The following SYNPO2 variants were observed in gnomAD, a reference collection of about 807,000 sequenced individuals.
SYNPO2 encodes synaptopodin 2, also known as synaptopodin-2.
Under a neutral mutation model 85.0 loss-of-function variants are expected in SYNPO2, and 56 were observed. The ratio of observed to expected loss-of-function variants is 0.66; its 90% CI spans 0.53 to 0.82. SYNPO2 has a LOEUF of 0.82. Ranked by LOEUF, SYNPO2 falls within the 40% of genes least tolerant of loss-of-function variation. The pLI is 0.00. For missense variants in SYNPO2, 1,575 were observed against 1,534.2 expected, an observed-to-expected ratio of 1.03 and a Z score of -0.44; for synonymous variants, 602 against 591.1, an observed-to-expected ratio of 1.02 and a Z score of -0.27.
intron 1 of SYNPO2, among the ~76,000 whole-genome samples, chr4:118,989,810 C>A (rs765350575): frequency 6.6e-6 from 1 of 152,132 alleles, no homozygotes; most frequent in Non-Finnish European, 1.5e-5. Context: ...CTTGTGTTCA[C>A]GCAGGGACAC....
intron 4 of SYNPO2, 126 bp downstream of exon 4, chr4:119,032,153 C>T (rs1330428575): frequency 1.7e-5 from 26 of 1,486,442 alleles, no homozygotes; most frequent in Non-Finnish European, 2.3e-5. Flanking sequence ...CCTCAACTTA[C>T]TTAATTTCAG....
intron 1 of SYNPO2, among the ~76,000 whole-genome samples, chr4:118,891,899 T>C (rs921178056): frequency 1.3e-5 from 2 of 152,238 alleles, no homozygotes; most frequent in Non-Finnish European, 2.9e-5. Context: ...AAAATGGGAA[T>C]GCTACAAAGC....
intron 1 of SYNPO2, among the ~76,000 whole-genome samples, chr4:119,001,102 C>T (rs1387780205): frequency 6.6e-6 from 1 of 152,208 alleles, no homozygotes; most frequent in Non-Finnish European, 1.5e-5. Flanking sequence ...TTCGTTTTCT[C>T]CTTGGCTTTG....
At chr4:118,972,433 G>T (rs1735574136) in intron 1 of SYNPO2, among the ~76,000 whole-genome samples, 1 of 151,984 alleles carries the variant, frequency 6.6e-6, no homozygotes, top group Non-Finnish European at 1.5e-5. Flanking sequence ...GACAAAGGGA[G>T]ACCCTGTCTC....
intron 1 of SYNPO2, among the ~76,000 whole-genome samples, chr4:118,906,391 G>C (rs1732938922): frequency 6.6e-6 from 1 of 152,150 alleles, no homozygotes; most frequent in African/African-American, 2.4e-5. Context: ...TGAATTCGAG[G>C]TATGAGTCTA....
chr4:119,004,333 G>A (rs1052543446), intron 1 of SYNPO2, among the ~76,000 whole-genome samples: 11 of 151,494 alleles, frequency 7.3e-5, no homozygotes, highest in African/African-American at 2.7e-4. Context: ...CCATTAACTC[G>A]TCATTTAGCA....
At chr4:118,978,547 T>C (rs979926148) in intron 1 of SYNPO2, among the ~76,000 whole-genome samples, 2 of 152,194 alleles carry the variant, frequency 1.3e-5, no homozygotes, top group Non-Finnish European at 2.9e-5. Context: ...GTAATTTATA[T>C]TACCTTGTTC....
intron 1 of SYNPO2, among the ~76,000 whole-genome samples, chr4:118,945,464 C>G (rs1734467768): frequency 6.6e-6 from 1 of 152,126 alleles, no homozygotes; most frequent in Non-Finnish European, 1.5e-5. Context: ...ACATATCTTA[C>G]CTGGGAGAAG....
intron 1 of SYNPO2, among the ~76,000 whole-genome samples, chr4:119,021,116 C>T (rs1737704267): frequency 1.3e-5 from 2 of 152,152 alleles, no homozygotes; most frequent in South Asian, 4.1e-4. Context: ...GTGGGGAAGG[C>T]TTTCTACAGA....
At chr4:119,001,086 C>A (rs1736807528) in intron 1 of SYNPO2, among the ~76,000 whole-genome samples, 1 of 152,178 alleles carries the variant, frequency 6.6e-6, no homozygotes, top group African/African-American at 2.4e-5. Context: ...ATTTTCATAC[C>A]CACTGTTCGT....
At chr4:118,932,648 T>G (rs2149133806) in intron 1 of SYNPO2, among the ~76,000 whole-genome samples, 1 of 152,244 alleles carries the variant, frequency 6.6e-6, no homozygotes, top group Middle Eastern at 3.4e-3. Context: ...CAGAAAATGG[T>G]TTTCTCTACG....
chr4:119,032,437 A>C, intron 4 of SYNPO2: 1 of 1,104,700 alleles, frequency 9.1e-7, no homozygotes, highest in Non-Finnish European at 1.1e-6. Context: ...GTTCAAATGT[A>C]GTGAAGGTAT....
chr4:118,853,075 A>G (rs1731446575), intron 1 of SYNPO2, among the ~76,000 whole-genome samples: 2 of 152,230 alleles, frequency 1.3e-5, no homozygotes, highest in South Asian at 4.1e-4. Flanking sequence ...GGCAAGAAAC[A>G]CAAGAGTTTT....
intron 1 of SYNPO2, among the ~76,000 whole-genome samples, chr4:118,892,074 T>C (rs186460447): frequency 2.8e-4 from 43 of 152,328 alleles, no homozygotes; most frequent in Admixed American, 2.7e-3. Flanking sequence ...TAATTCCCGA[T>C]AAATATCCTT....
chr4:119,047,070 T>A (rs1578675803), intron 4 of SYNPO2, among the ~76,000 whole-genome samples: 2 of 68,640 alleles, frequency 2.9e-5, no homozygotes, highest in Non-Finnish European at 6.2e-5. Context: ...GTTTATTTAT[T>A]TTTTTTTTAG....
intron 4 of SYNPO2, chr4:119,034,025 C>G: frequency 1.0e-6 from 1 of 985,370 alleles, no homozygotes; most frequent in Non-Finnish European, 1.2e-6. Flanking sequence ...GTAGCTTGGT[C>G]TCTTATTTGC....
chr4:119,051,186 ATTTTTTT>A (rs369864760), intron 4 of SYNPO2, among the ~76,000 whole-genome samples: 2 of 100,704 alleles, frequency 2.0e-5, no homozygotes, highest in African/African-American at 3.9e-5. Context: ...ATGGGAAGCA[ATTTTTTT>A]TTTTTTTTTT....
chr4:119,023,344 G>C, intron 1 of SYNPO2, 86 bp from the exon 2 acceptor site: 1 of 1,416,272 alleles, frequency 7.1e-7, no homozygotes, highest in South Asian at 1.5e-5. Context: ...TGGTGTTACT[G>C]TTGACAGATT....
Position 119,031,464 on chromosome 4 carries a change from G to A in SYNPO2, c.2689G>A (p.Ala897Thr), listed in dbSNP as rs1260940498. 3.1e-6 allele frequency: 5 copies of A among 1,614,076 alleles called. No homozygotes were observed. The highest frequency in any genetic ancestry group is 1.1e-5 in the South Asian group (1 of 91,078). Residue 897 changes from alanine to threonine, a missense_variant, in exon 4 of 5, where the codon GCT (alanine) becomes ACT (threonine). Around this residue, in one of 3 missense-constraint regions of SYNPO2, gnomAD observed 1,508 missense variants for 1,446.8 expected, o/e 1.04. Coordinates refer to ENST00000307142, the MANE Select transcript of SYNPO2 (RefSeq NM_133477.3). Reference sequence around the variant, plus strand: ...CGATTCAGACACGGTGCAGGCCCACGCTGCTCGAGCTCAGTCTCCCACTCC... The same window carrying A: ...CGATTCAGACACGGTGCAGGCCCACACTGCTCGAGCTCAGTCTCCCACTCC... The part of the protein sequence containing the change: ...VVDSDTVQAH[A>T]ARAQSPTPSL...
Sources: allele counts gnomAD v4.1 joint callset (sites outside exome capture counted in the v4.1 genomes callset), GRCh38; gene constraint gnomAD v4.1.1; regional missense constraint gnomAD v4.1.1; transcripts MANE v1.5; gene names NCBI Gene and HGNC (gene_info 2026-07-23, HGNC 2026-07-21).